The following COL28A1 variants were observed in gnomAD, a reference collection of about 807,000 sequenced individuals.
COL28A1 encodes the protein collagen alpha-1(XXVIII) chain.
Under a neutral mutation model 150.2 loss-of-function variants are expected in COL28A1, and 161 were observed. The ratio of observed to expected loss-of-function variants is 1.07; its 90% confidence interval spans 0.94 to 1.22. The LOEUF (loss-of-function observed/expected upper bound fraction) is 1.22, where lower values mean the gene tolerates loss of function less well. COL28A1 is among the 50% of genes most tolerant of loss of function. The pLI, the probability that COL28A1 is intolerant of heterozygous loss-of-function variation, is 0.00. For synonymous variants in COL28A1, 552 were observed against 469.7 expected (o/e 1.18, Z -2.26); for missense variants, 1,617 against 1,388.3 (o/e 1.16, Z -2.62).
downstream of COL28A1, among the ~76,000 whole-genome samples, chr7:7,353,514 G>A (rs1476542767): frequency 2.6e-5 from 4 of 152,134 alleles, no homozygotes; most frequent in Admixed American, 6.5e-5. Flanking sequence ...TCAAATGGGT[G>A]TTTTCCCTGG....
chr7:7,400,997 T>TGTGTGTGTG (rs1783162304), intron 27 of COL28A1, among the ~76,000 whole-genome samples: 1 of 148,848 alleles, frequency 6.7e-6, no homozygotes, highest in South Asian at 2.1e-4. Context: ...TGTGTGTGTG[T>TGTGTGTGTG]GTGTGTGTGT....
At chr7:7,509,494 T>G (rs541025700) in intron 9 of COL28A1, among the ~76,000 whole-genome samples, 266 of 152,370 alleles carry the variant, frequency 1.7e-3, no homozygotes, top group Middle Eastern at 3.4e-3. Context: ...CATATGTTTT[T>G]CTGAACAAAC....
intron 11 of COL28A1, among the ~76,000 whole-genome samples, chr7:7,493,491 G>A (rs762486135): frequency 1.7e-4 from 26 of 152,102 alleles, no homozygotes; most frequent in Non-Finnish European, 2.8e-4. Flanking sequence ...GCTTTACAAG[G>A]CAGTTGCAGG....
chr7:7,526,979 C>T (rs979431265), intron 3 of COL28A1, among the ~76,000 whole-genome samples: 2 of 152,188 alleles, frequency 1.3e-5, no homozygotes, highest in African/African-American at 2.4e-5. Flanking sequence ...ACGAATTCAG[C>T]TCTTACTGTG....
chr7:7,509,554 C>T lies in COL28A1; in HGVS notation c.927+1537G>A, dbSNP rs184477218. On this transcript the variant is annotated intron_variant, in intron 9 of 34. Coordinates refer to ENST00000399429, the MANE Select transcript of COL28A1 (RefSeq NM_001037763.3). The stretch of plus-strand genomic sequence containing the variant: ...ACTCTATATCTCATCAGTTCTAAGG[C>T]ACATTTTTTCACATTTTTATATCTC... Among the ~76,000 whole-genome samples the T allele has an allele frequency of 1.5e-3, 230 of 152,204 alleles. 2 individuals carry two copies. The highest frequency in any genetic ancestry group is 2.5e-3 in the Admixed American group (38 of 15,274).
At chr7:7,460,931 C>G (rs145725930) in intron 15 of COL28A1, among the ~76,000 whole-genome samples, 1 of 152,104 alleles carries the variant, frequency 6.6e-6, no homozygotes, top group Non-Finnish European at 1.5e-5. Context: ...AGCTCCCACT[C>G]GGATGGAAAG....
At position 7,373,683 on chromosome 7, in the gene COL28A1, A is replaced by C; in HGVS notation, c.2360-137T>G. ...TTTTCTGTGATTGTGAAAATACCTG[A>C]CAGCTGTCTCCATTCTGGTTTCTTT... On this transcript the variant is annotated intron_variant, in intron 31 of 34. Coordinates refer to ENST00000399429, the MANE Select transcript of COL28A1 (RefSeq NM_001037763.3). The surrounding 1 kb of genome is among the most constrained non-coding windows in gnomAD (Gnocchi z 4.1). The C allele has an allele frequency of 1.4e-6, 1 of 700,572 alleles. No homozygotes were observed. 43.4% of individuals were successfully genotyped at this position (700,572 alleles called of 1,614,324 possible).
intron 18 of COL28A1, among the ~76,000 whole-genome samples, chr7:7,445,649 A>G (rs981284483): frequency 3.3e-5 from 5 of 152,172 alleles, no homozygotes; most frequent in African/African-American, 1.2e-4. Context: ...GTTCAGGAAA[A>G]AAATATGCTA....
At chr7:7,515,106 G>A (rs1243515298) in intron 8 of COL28A1, among the ~76,000 whole-genome samples, 1 of 152,116 alleles carries the variant, frequency 6.6e-6, no homozygotes, top group Non-Finnish European at 1.5e-5. Flanking sequence ...TAGCCCTGTA[G>A]GATGGAATGG....
In COL28A1 at chr7:7,444,286, T is replaced by A. The variant is rs1265462882; in HGVS notation, c.1581+132A>T. The A allele has an allele frequency of 5.7e-6, 7 of 1,230,990 alleles. No individual in the cohort carries two copies. In the Admixed American group the frequency reaches 1.4e-4, roughly 25 times the overall value. 76.3% of individuals were successfully genotyped at this position (1,230,990 alleles called of 1,614,324 possible). On this transcript the variant is annotated intron_variant, in intron 19 of 34. Coordinates refer to ENST00000399429, the MANE Select transcript of COL28A1 (RefSeq NM_001037763.3). ...TCAGGGAGAAGTGGAAAGGGACATT[T>A]GGGATTGTGAGATATTTTTTCTTAA...
chr7:7,351,911 G>A (rs1443512972), downstream of COL28A1, among the ~76,000 whole-genome samples: 1 of 152,098 alleles, frequency 6.6e-6, no homozygotes, highest in African/African-American at 2.4e-5. Flanking sequence ...ATCATGGGAA[G>A]AGGGAGCCAT....
Position 7,534,801 on chromosome 7 carries a change from A to T in COL28A1, c.-38+949T>A, listed in dbSNP as rs148678755. 4.9e-3 allele frequency among the ~76,000 whole-genome samples: 746 copies of T among 152,244 alleles called. 4 individuals are homozygous for T. Among genetic ancestry groups the T allele is most frequent in the Non-Finnish European group, 8.8e-3 (598 of 68,004 alleles). On this transcript the variant is annotated intron_variant, in intron 1 of 34. Transcript: ENST00000399429. ...AAACATAACTTTTCCATTGACAATA[A>T]TCCCAGTATCTCATATTTTGTTCTT...
Position 7,360,522 on chromosome 7 carries a change from C to T in COL28A1, c.3073G>A (p.Val1025Ile). ...TCATCTTCATCCTGGTCTCTGGTGACACTCAACTACACAAAAATATTCACA... is the reference window on the plus strand; with the variant it reads ...TCATCTTCATCCTGGTCTCTGGTGATACTCAACTACACAAAAATATTCACA... The part of the protein sequence containing the change: ...PQKEISESLS[V>I]TRDQDEDDKA... Residue 1025 changes from valine (V) to isoleucine (I), a missense_variant, in exon 34 of 35, where the codon GTC becomes ATC. Coordinates refer to ENST00000399429, the MANE Select transcript of COL28A1 (RefSeq NM_001037763.3). The T allele has an allele frequency of 6.3e-7, 1 of 1,594,352 alleles. No individual in the cohort carries two copies. The highest frequency in any genetic ancestry group is 8.5e-7 in the Non-Finnish European group (1 of 1,174,690).
chr7:7,409,835 A>ATAG (rs1783685532), intron 27 of COL28A1, among the ~76,000 whole-genome samples: 1 of 152,168 alleles, frequency 6.6e-6, no homozygotes, highest in Non-Finnish European at 1.5e-5. Context: ...CACTGTCATC[A>ATAG]CACAGGGCCT....
intron 17 of COL28A1, among the ~76,000 whole-genome samples, chr7:7,453,143 A>G (rs1038260945): frequency 6.6e-6 from 1 of 152,360 alleles, no homozygotes; most frequent in Non-Finnish European, 1.5e-5. Flanking sequence ...AGAGAGACAC[A>G]TAACCACTGG....
chr7:7,463,700 C>T (rs1787824265), intron 15 of COL28A1, among the ~76,000 whole-genome samples: 1 of 152,164 alleles, frequency 6.6e-6, no homozygotes, highest in East Asian at 1.9e-4. Context: ...ATCCTGGAAA[C>T]ACATCAAAAC....
At chr7:7,412,228 C>T (rs1317967283) in intron 27 of COL28A1, among the ~76,000 whole-genome samples, 1 of 152,064 alleles carries the variant, frequency 6.6e-6, no homozygotes, top group Non-Finnish European at 1.5e-5. Context: ...TTTTTGCCTG[C>T]TGGGTGTAAG....
At chr7:7,388,712 G>A (rs1279649912) in intron 27 of COL28A1, among the ~76,000 whole-genome samples, 2 of 152,176 alleles carry the variant, frequency 1.3e-5, no homozygotes, top group Non-Finnish European at 2.9e-5. Context: ...ACTGGTGTGA[G>A]ATGGTATCTC....
chr7:7,362,613 A>AT lies in COL28A1; in HGVS notation c.3067-2086dup, dbSNP rs3067667. 9.6e-4 allele frequency among the ~76,000 whole-genome samples: 146 copies of AT among 151,906 alleles called. 1 individual carries two copies. The highest frequency in any genetic ancestry group is 3.4e-3 in the Middle Eastern group (1 of 294). The stretch of plus-strand genomic sequence containing the variant: ...TACTATCAGGTGACTTAGAGCAAAG[A>AT]TTTTTCCATTTGGATTGGTCATTAG... On this transcript the variant is annotated intron_variant, in intron 33 of 34. Coordinates refer to ENST00000399429, the MANE Select transcript of COL28A1 (RefSeq NM_001037763.3).
Sources: gnomAD v4.1 joint callset for allele counts (sites outside exome capture counted in the v4.1 genomes callset) on GRCh38, gnomAD v4.1.1 for gene constraint, Gnocchi (gnomAD v3.1) non-coding constraint, MANE v1.5 for transcripts, NCBI Gene and HGNC (gene_info 2026-07-23, HGNC 2026-07-21) for gene names.